The following GPHN variants were observed in gnomAD, a reference collection of about 807,000 sequenced individuals.
GPHN encodes gephyrin.
In GPHN, 17 loss-of-function variants were observed where a neutral mutation model predicts 95.5. The observed-to-expected ratio is 0.18, with a 90% CI of 0.12 to 0.27. The LOEUF (loss-of-function observed/expected upper bound fraction) is 0.27. Among genes scored for constraint, GPHN ranks in the 10% least tolerant of loss-of-function variants. The pLI is 1.00. For missense variants in GPHN, 660 were observed against 978.1 expected (o/e 0.67, Z 4.34); for synonymous variants, 320 against 322.5 (o/e 0.99, Z 0.08).
At chr14:66,769,130 C>G (rs2059069568) in intron 2 of GPHN, among the ~76,000 whole-genome samples, 1 of 151,846 alleles carries the variant, frequency 6.6e-6, no homozygotes, top group African/African-American at 2.4e-5. Flanking sequence ...ATGATTCTGT[C>G]TCAAGACAGT....
chr14:66,765,606 A>G (rs952549257), intron 2 of GPHN, among the ~76,000 whole-genome samples: 1 of 152,170 alleles, frequency 6.6e-6, no homozygotes, highest in African/African-American at 2.4e-5. Context: ...AGTGGGGCCT[A>G]CTTGAGGGTA....
chr14:67,690,250 T>C, the GPHN span: 7 of 1,613,996 alleles, frequency 4.3e-6, no homozygotes, highest in Non-Finnish European at 5.1e-6. Context: ...GAAGAGGATG[T>C]TGGCTAGCTT....
intron 1 of GPHN, among the ~76,000 whole-genome samples, chr14:66,525,343 G>GT (rs2058647666): frequency 6.6e-6 from 1 of 152,020 alleles, no homozygotes; most frequent in Non-Finnish European, 1.5e-5. Flanking sequence ...TGGTGGGGTT[G>GT]TTTTTTTCTT....
intron 10 of GPHN, among the ~76,000 whole-genome samples, chr14:67,039,795 A>T (rs2074607522): frequency 2.0e-5 from 3 of 152,166 alleles, no homozygotes; most frequent in Admixed American, 2.0e-4. Flanking sequence ...CCTGTCTCAA[A>T]ACAAAACAAA....
At position 66,599,392 on chromosome 14, in the gene GPHN, A is replaced by ATTTTTTTTTTTTTTTTTTTT. The variant is rs765267813; in HGVS notation, c.65-81699_65-81698insTTTTTTTTTTTTTTTTTTTT. On this transcript the variant is annotated intron_variant, in intron 1 of 22. Coordinates refer to ENST00000478722, the MANE Select transcript of GPHN (RefSeq NM_020806.5). ...TCTCTGATTTTACATTTTTTTTTGC[A>ATTTTTTTTTTTTTTTTTTTT]TTTTTTTTTTTTTTTTGCTAGATGC... Among the ~76,000 whole-genome samples, 69 of 76,436 alleles carry ATTTTTTTTTTTTTTTTTTTT rather than the reference A, an allele frequency of 9.0e-4. 2 individuals are homozygous for ATTTTTTTTTTTTTTTTTTTT. Among genetic ancestry groups the ATTTTTTTTTTTTTTTTTTTT allele is most frequent in the Middle Eastern group, 8.8e-3 (1 of 114 alleles). The allele number at this position is 76,436 out of a possible 152,430, so 50.1% of individuals were successfully genotyped here.
chr14:66,669,733 T>A (rs140050166), intron 1 of GPHN, among the ~76,000 whole-genome samples: 1 of 152,184 alleles, frequency 6.6e-6, no homozygotes, highest in Non-Finnish European at 1.5e-5. Context: ...GTTTTGTATT[T>A]CAGTTATTGT....
chr14:66,529,221 A>G (rs1244664742), intron 1 of GPHN, among the ~76,000 whole-genome samples: 1 of 151,574 alleles, frequency 6.6e-6, no homozygotes, highest in Non-Finnish European at 1.5e-5. Context: ...GTTGATGTTC[A>G]ATCTCTGATA....
intron 1 of GPHN, among the ~76,000 whole-genome samples, chr14:66,639,071 G>A (rs556243783): frequency 2.0e-5 from 3 of 150,254 alleles, no homozygotes; most frequent in South Asian, 2.1e-4. Context: ...TTATGATTTC[G>A]TGCTCAGATT....
chr14:66,700,535 G>A (rs2068456307), intron 2 of GPHN, among the ~76,000 whole-genome samples: 1 of 152,054 alleles, frequency 6.6e-6, no homozygotes, highest in African/African-American at 2.4e-5. Context: ...GGACAACTCG[G>A]GGATGAAGGA....
Position 66,767,015 on chromosome 14 carries a change from C to A in GPHN, c.144-9449C>A, listed in dbSNP as rs562179133. ...CAACTTCCTTGGTCCTAATCCTCTC[C>A]TCAAATTCCACCTTTGTCTTTATAA... On this transcript the variant is annotated intron_variant, in intron 2 of 22. Coordinates refer to ENST00000478722, the MANE Select transcript of GPHN (RefSeq NM_020806.5). 3.9e-5 allele frequency among the ~76,000 whole-genome samples: 6 copies of A among 152,146 alleles called. No homozygotes were observed. The South Asian group carries it at 1.2e-3, about 32-fold the overall frequency.
chr14:67,409,641 G>T, the GPHN span, among the ~76,000 whole-genome samples: 7 of 151,908 alleles, frequency 4.6e-5, no homozygotes, highest in Non-Finnish European at 7.4e-5. Flanking sequence ...CTTGCATTTT[G>T]CCTGGAACTC....
chr14:67,232,697 A>T, the GPHN span, among the ~76,000 whole-genome samples: 1 of 152,210 alleles, frequency 6.6e-6, no homozygotes, highest in Non-Finnish European at 1.5e-5. Context: ...CTCACATTTT[A>T]CCAAGATCCT....
chr14:67,563,757 A>T, the GPHN span, among the ~76,000 whole-genome samples: 1 of 133,086 alleles, frequency 7.5e-6, no homozygotes, highest in Admixed American at 7.9e-5. Flanking sequence ...TTTTCGAGAC[A>T]GAGTCTTGCT....
At chr14:67,674,567 A>G in the GPHN span, 1 of 1,288,848 alleles carries the variant, frequency 7.8e-7, no homozygotes, top group Non-Finnish European at 1.0e-6. Context: ...TCAGCCGCCC[A>G]GCCCAGTGGC....
chr14:67,073,456 A>T (rs945123270), intron 11 of GPHN, among the ~76,000 whole-genome samples: 3 of 152,152 alleles, frequency 2.0e-5, no homozygotes, highest in African/African-American at 4.8e-5. Flanking sequence ...AGATATTTTT[A>T]AAAATTATTC....
chr14:66,722,298 C>A (rs2070828614), intron 2 of GPHN, among the ~76,000 whole-genome samples: 1 of 152,048 alleles, frequency 6.6e-6, no homozygotes, highest in African/African-American at 2.4e-5. Context: ...ATTTTCTAGG[C>A]AGATTACTTA....
chr14:66,702,211 C>T (rs1298942013), intron 2 of GPHN, among the ~76,000 whole-genome samples: 1 of 152,220 alleles, frequency 6.6e-6, no homozygotes, highest in Non-Finnish European at 1.5e-5. Context: ...TTTGCCTTTC[C>T]TCCTGGTAGT....
chr14:66,804,895 T>A (rs538040519), intron 3 of GPHN, among the ~76,000 whole-genome samples: 1 of 152,324 alleles, frequency 6.6e-6, no homozygotes, highest in South Asian at 2.1e-4. Context: ...TTTAACTGAT[T>A]ATTGCTAGGA....
At chr14:67,086,448 G>C (rs1048739073) in intron 11 of GPHN, among the ~76,000 whole-genome samples, 1 of 151,830 alleles carries the variant, frequency 6.6e-6, no homozygotes, top group African/African-American at 2.4e-5. Context: ...TCAGGAGATC[G>C]AGACCATCCT....
Sources: allele counts gnomAD v4.1 joint callset (sites outside exome capture counted in the v4.1 genomes callset), GRCh38; gene constraint gnomAD v4.1.1; transcripts MANE v1.5; gene names NCBI Gene and HGNC (gene_info 2026-07-23, HGNC 2026-07-21).